The following IL1RAPL1 variants were observed in gnomAD, a reference collection of about 807,000 sequenced individuals.
The protein encoded by IL1RAPL1 is interleukin 1 receptor accessory protein like 1, also known as interleukin-1 receptor accessory protein-like 1.
A neutral mutation model predicts 48.4 loss-of-function variants in IL1RAPL1; 3 were observed. The observed-to-expected ratio is 0.06, with a 90% CI of 0.03 to 0.16. The LOEUF (loss-of-function observed/expected upper bound fraction) is 0.16. Among genes scored for constraint, IL1RAPL1 ranks in the 10% least tolerant of loss-of-function variants. The pLI is 1.00. For synonymous variants in IL1RAPL1, 185 were observed against 187.7 expected, an observed-to-expected ratio of 0.99 and a Z score of 0.12; for missense variants, 349 against 530.6, an observed-to-expected ratio of 0.66 and a Z score of 3.36.
chrX:28,704,245 T>A (rs1462474900), intron 1 of IL1RAPL1, among the ~76,000 whole-genome samples: 1 of 111,204 alleles, frequency 9.0e-6, no homozygotes, highest in Non-Finnish European at 1.9e-5. Flanking sequence ...ATCAGGGAAT[T>A]ACATATATCT....
chrX:29,573,394 T>C (rs944933303), intron 5 of IL1RAPL1, among the ~76,000 whole-genome samples: 15 of 112,351 alleles, frequency 1.3e-4, no homozygotes, highest in Non-Finnish European at 2.1e-4. Flanking sequence ...TCAAGATGCC[T>C]TTGTTCTTAT....
chrX:29,677,149 A>C lies in IL1RAPL1; in HGVS notation c.778+8645A>C, dbSNP rs772202005. Among the ~76,000 whole-genome samples, 33 of 112,333 alleles carry C rather than the reference A, an allele frequency of 2.9e-4. No homozygotes were observed. The South Asian group carries it at 0.012, about 41-fold the overall frequency. ...TACATTCACCCATAAATTTCCTCTC[A>C]AATTTCAGCTAAATAACTAAGGATT... is the stretch of plus-strand genomic sequence containing the variant. On this transcript the variant is annotated intron_variant, in intron 6 of 10. Coordinates refer to ENST00000378993, the MANE Select transcript of IL1RAPL1 (RefSeq NM_014271.4).
Position 29,357,633 on chromosome X carries a change from A to G in IL1RAPL1, c.363-38625A>G, listed in dbSNP as rs183931884. On this transcript the variant is annotated intron_variant, in intron 3 of 10. Transcript: ENST00000378993. ...TCAACTATTGACCTAACTTTATTAAATGTACCTAAAAATGTAGGGCTACTA... is the reference window on the plus strand; with the variant it reads ...TCAACTATTGACCTAACTTTATTAAGTGTACCTAAAAATGTAGGGCTACTA... Among the ~76,000 whole-genome samples, 67 of 112,134 alleles carry G rather than the reference A, an allele frequency of 6.0e-4. 3 individuals are homozygous for G. Among genetic ancestry groups the G allele is most frequent in the Admixed American group, 5.7e-3 (60 of 10,514 alleles).
chrX:29,951,854 T>C (rs1253673803), intron 9 of IL1RAPL1, among the ~76,000 whole-genome samples: 1 of 110,649 alleles, frequency 9.0e-6, no homozygotes, highest in Non-Finnish European at 1.9e-5. Context: ...TCAGGAGAAA[T>C]AGAACAGGAT....
rs140411821 is a variant in IL1RAPL1 at position 28,896,773 on chromosome X, G to A, written c.82+107348G>A. Among the ~76,000 whole-genome samples, 961 of 110,091 alleles carry A rather than the reference G, an allele frequency of 8.7e-3. 8 individuals are homozygous for A. The highest frequency in any genetic ancestry group is 0.012 in the Non-Finnish European group (620 of 52,760). On this transcript the variant is annotated intron_variant, in intron 2 of 10. Coordinates refer to ENST00000378993, the MANE Select transcript of IL1RAPL1 (RefSeq NM_014271.4). Reference sequence around the variant, plus strand: ...TGGGGTTGAGACTGAGAGAACAAGCGGGAGGGAAAGAAGGAAGATTTGGGA... The same window carrying A: ...TGGGGTTGAGACTGAGAGAACAAGCAGGAGGGAAAGAAGGAAGATTTGGGA...
rs767000792 is a variant in IL1RAPL1, at chrX:29,556,456, T to TAACCA, written c.704-111972_704-111968dup. Among the ~76,000 whole-genome samples the TAACCA allele has an allele frequency of 4.1e-4, 45 of 110,830 alleles. 1 individual carries two copies. The highest frequency in any genetic ancestry group is 1.4e-3 in the African/African-American group (43 of 30,459). On this transcript the variant is annotated intron_variant, in intron 5 of 10. Coordinates refer to ENST00000378993, the MANE Select transcript of IL1RAPL1 (RefSeq NM_014271.4). ...TCGAGGTCAGGAGTTGAGACCAGCC[T>TAACCA]AACCAACATAGTGAAACCCTGTCTC...
intron 2 of IL1RAPL1, among the ~76,000 whole-genome samples, chrX:28,872,280 A>T (rs777648620): frequency 4.5e-5 from 5 of 111,785 alleles, no homozygotes; most frequent in Non-Finnish European, 9.4e-5. Flanking sequence ...TGGCTTCCCA[A>T]AGTGCTGGGA....
At chrX:28,615,808 A>G (rs1934213041) in intron 1 of IL1RAPL1, among the ~76,000 whole-genome samples, 1 of 112,214 alleles carries the variant, frequency 8.9e-6, no homozygotes, top group African/African-American at 3.2e-5. Context: ...AAAGCTGCTT[A>G]ATGAAAGGAA....
At chrX:28,661,203 A>C (rs1460616036) in intron 1 of IL1RAPL1, among the ~76,000 whole-genome samples, 1 of 112,256 alleles carries the variant, frequency 8.9e-6, no homozygotes, top group Non-Finnish European at 1.9e-5. Flanking sequence ...ATTTTTAAAA[A>C]ACTACCTAAT....
At chrX:28,723,374 T>C (rs1360133983) in intron 1 of IL1RAPL1, among the ~76,000 whole-genome samples, 1 of 111,768 alleles carries the variant, frequency 8.9e-6, no homozygotes, top group Non-Finnish European at 1.9e-5. Context: ...TTCTAGCTTA[T>C]TTGCATAGAG....
At chrX:29,770,496 G>A (rs1345336082) in intron 6 of IL1RAPL1, among the ~76,000 whole-genome samples, 2 of 112,075 alleles carry the variant, frequency 1.8e-5, no homozygotes, top group African/African-American at 6.5e-5. Context: ...TGCTCGCTAT[G>A]TGCCAGACAC....
intron 2 of IL1RAPL1, among the ~76,000 whole-genome samples, chrX:29,109,422 T>G (rs1241334908): frequency 9.0e-6 from 1 of 110,548 alleles, no homozygotes; most frequent in East Asian, 2.8e-4. Context: ...GTTTTTCTAA[T>G]GTAAAGTTAA....
chrX:28,831,996 C>T (rs1033027992), intron 2 of IL1RAPL1, among the ~76,000 whole-genome samples: 7 of 110,435 alleles, frequency 6.3e-5, no homozygotes, highest in African/African-American at 9.9e-5. Flanking sequence ...AATAATTGTA[C>T]GCATTTATTG....
At chrX:29,461,580 A>T (rs1274948407) in intron 5 of IL1RAPL1, among the ~76,000 whole-genome samples, 1 of 111,552 alleles carries the variant, frequency 9.0e-6, no homozygotes, top group African/African-American at 3.3e-5. Context: ...GACTAGCAGT[A>T]TTCAGAGTAG....
chrX:29,744,672 G>A (rs755773482), intron 6 of IL1RAPL1, among the ~76,000 whole-genome samples: 1 of 111,978 alleles, frequency 8.9e-6, no homozygotes, highest in East Asian at 2.8e-4. Context: ...CTTCATCCCA[G>A]CAAAGCTTAA....
chrX:29,474,296 A>G (rs1281516345), intron 5 of IL1RAPL1, among the ~76,000 whole-genome samples: 1 of 112,078 alleles, frequency 8.9e-6, no homozygotes, highest in Non-Finnish European at 1.9e-5. Flanking sequence ...CAAAAATGTA[A>G]TTGAATGTGA....
intron 2 of IL1RAPL1, among the ~76,000 whole-genome samples, chrX:28,972,625 G>A (rs1925110315): frequency 9.0e-6 from 1 of 110,986 alleles, no homozygotes; most frequent in African/African-American, 3.3e-5. Flanking sequence ...TGTAGTCCCA[G>A]CTACTTGGGA....
At chrX:28,999,253 G>T (rs780552978) in intron 2 of IL1RAPL1, among the ~76,000 whole-genome samples, 2 of 111,505 alleles carry the variant, frequency 1.8e-5, no homozygotes, top group Non-Finnish European at 3.8e-5. Context: ...CACACAGAAT[G>T]TATCTATACT....
At chrX:28,633,746 A>C (rs979126077) in intron 1 of IL1RAPL1, among the ~76,000 whole-genome samples, 8 of 112,270 alleles carry the variant, frequency 7.1e-5, no homozygotes, top group Admixed American at 4.7e-4. Context: ...AATGGTCAAA[A>C]AGTTGGGAGC....
Sources: allele counts gnomAD v4.1 joint callset (sites outside exome capture counted in the v4.1 genomes callset), GRCh38; gene constraint gnomAD v4.1.1; transcripts MANE v1.5; gene names NCBI Gene and HGNC (gene_info 2026-07-23, HGNC 2026-07-21).